Variants in SLC25A13 observed in about 807,000 individuals in gnomAD.
SLC25A13 encodes electrogenic aspartate/glutamate antiporter SLC25A13, mitochondrial.
SLC25A13 carries 70 observed loss-of-function variants against 85.5 expected under a neutral mutation model. The ratio of observed to expected loss-of-function variants is 0.82; its 90% CI spans 0.68 to 1.00. The LOEUF (loss-of-function observed/expected upper bound fraction) is 1.00, where lower values mean the gene tolerates loss of function less well. Ranked by LOEUF, SLC25A13 falls within the 50% of genes least tolerant of loss-of-function variation. The probability of loss-of-function intolerance (pLI) is 0.00; values close to 1 mark genes in which losing one functional copy is unlikely to be tolerated. For synonymous variants in SLC25A13, 259 were observed against 288.7 expected (o/e 0.90, Z 1.04); for missense variants, 765 against 819.8 (o/e 0.93, Z 0.82).
intron 4 of SLC25A13, among the ~76,000 whole-genome samples, chr7:96,225,100 A>G (rs990689778): frequency 3.3e-5 from 5 of 152,242 alleles, no homozygotes; most frequent in African/African-American, 9.6e-5. Flanking sequence ...AATAAAAATG[A>G]TGGTTACCTT....
At chr7:96,150,290 T>A (rs756671270) in intron 13 of SLC25A13, among the ~76,000 whole-genome samples, 2 of 152,296 alleles carry the variant, frequency 1.3e-5, no homozygotes, top group South Asian at 2.1e-4. Context: ...GGACACAAGA[T>A]GCTTTATTCT....
chr7:96,305,233 C>A (rs370567460), intron 1 of SLC25A13, among the ~76,000 whole-genome samples: 63 of 152,212 alleles, frequency 4.1e-4, no homozygotes, highest in African/African-American at 1.4e-3. Flanking sequence ...TATTTAGACA[C>A]TAATTATAAT....
intron 5 of SLC25A13, among the ~76,000 whole-genome samples, chr7:96,200,527 T>A (rs765845875): frequency 1.1e-4 from 16 of 152,156 alleles, no homozygotes; most frequent in Non-Finnish European, 2.2e-4. Flanking sequence ...CTTAATTTTG[T>A]TCTATGTGTA....
At chr7:96,127,104 C>T (rs1394291431) in intron 15 of SLC25A13, among the ~76,000 whole-genome samples, 1 of 152,166 alleles carries the variant, frequency 6.6e-6, no homozygotes, top group Non-Finnish European at 1.5e-5. Context: ...TACAGTTTGA[C>T]TTGTTCCTCT....
intron 5 of SLC25A13, among the ~76,000 whole-genome samples, chr7:96,194,199 C>T (rs1794964420): frequency 6.6e-6 from 1 of 150,462 alleles, no homozygotes; most frequent in Admixed American, 6.7e-5. Flanking sequence ...CTTGAGGAGG[C>T]TGAGGTGGAT....
rs1468762746 is a variant in SLC25A13, at chr7:96,171,533, C to G, written c.1178-9G>C. 6.2e-7 allele frequency: 1 copy of G among 1,608,778 alleles called. No homozygotes were observed. Among genetic ancestry groups the G allele is most frequent in the South Asian group, 1.1e-5 (1 of 90,860 alleles). ...TAACTGTGGCAACAGACCTAAAAAT[C>G]AACAAAAAGTAGAAGTATATTAAAT... On this transcript the variant is annotated splice_polypyrimidine_tract_variant and intron_variant, in intron 11 of 17. Coordinates refer to ENST00000265631, the MANE Select transcript of SLC25A13 (RefSeq NM_014251.3).
At chr7:96,289,105 T>C (rs945819704) in intron 2 of SLC25A13, among the ~76,000 whole-genome samples, 2 of 152,230 alleles carry the variant, frequency 1.3e-5, no homozygotes, top group African/African-American at 4.8e-5. Context: ...TCAGCAATAT[T>C]TGCTGTTCTG....
intron 6 of SLC25A13, 47 bp from the exon 7 acceptor site, chr7:96,191,294 T>G (rs760424590): frequency 6.3e-7 from 1 of 1,599,676 alleles, no homozygotes; most frequent in Non-Finnish European, 8.5e-7. Context: ...ACAAAAGATT[T>G]ATAGATGATT....
chr7:96,140,998 G>A (rs926095435), intron 14 of SLC25A13, among the ~76,000 whole-genome samples: 4 of 147,420 alleles, frequency 2.7e-5, no homozygotes, highest in Non-Finnish European at 4.5e-5. Context: ...TTAATTTTGC[G>A]CATTCCTTTC....
intron 14 of SLC25A13, 98 bp from the exon 15 acceptor site, chr7:96,131,979 A>T (rs1198877530): frequency 1.6e-5 from 24 of 1,516,334 alleles, no homozygotes; most frequent in Non-Finnish European, 2.2e-5. Flanking sequence ...ATATTCCTGG[A>T]GAAGACCAAA....
At chr7:96,125,311 C>T (rs1313516275) in intron 15 of SLC25A13, among the ~76,000 whole-genome samples, 3 of 152,084 alleles carry the variant, frequency 2.0e-5, no homozygotes, top group Non-Finnish European at 4.4e-5. Flanking sequence ...AGGCTGGTCT[C>T]GAACTCCTGA....
chr7:96,308,685 T>C (rs1446957796), intron 1 of SLC25A13, among the ~76,000 whole-genome samples: 1 of 152,156 alleles, frequency 6.6e-6, no homozygotes. Context: ...AGAAGCCATA[T>C]AATCCAGAAG....
At chr7:96,306,891 C>T in intron 1 of SLC25A13, 2 of 1,123,252 alleles carry the variant, frequency 1.8e-6, no homozygotes, top group South Asian at 2.5e-5. Context: ...GGCTTCACTC[C>T]AATCTCTCTT....
At chr7:96,278,448 G>A (rs79206002) in intron 2 of SLC25A13, among the ~76,000 whole-genome samples, 1 of 152,316 alleles carries the variant, frequency 6.6e-6, no homozygotes, top group Non-Finnish European at 1.5e-5. Context: ...TGCAGACTAA[G>A]GCTTTGCTCA....
Position 96,283,388 on chromosome 7 carries a change from C to G in SLC25A13, c.70-6050G>C, listed in dbSNP as rs1798759614. 1.9e-5 allele frequency: 7 copies of G among 364,148 alleles called. No homozygotes were observed. The Admixed American group carries it at 2.0e-4, about 10-fold the overall frequency. 22.6% of individuals were successfully genotyped at this position (364,148 alleles called of 1,614,324 possible). On this transcript the variant is annotated intron_variant, in intron 2 of 17. Coordinates refer to ENST00000265631, the MANE Select transcript of SLC25A13 (RefSeq NM_014251.3). ...AACACAAAGGGAAAGAGGAGAGGCA[C>G]TCAATATATGTTCTGTAGGCCTTTT... is the stretch of plus-strand genomic sequence containing the variant.
At chr7:96,168,098 G>GGAAAAAAA (rs1793836839) in intron 13 of SLC25A13, among the ~76,000 whole-genome samples, 2 of 19,694 alleles carry the variant, frequency 1.0e-4, no homozygotes, top group Non-Finnish European at 2.5e-4. Flanking sequence ...AACTCTGTCT[G>GGAAAAAAA]AAAAAAAAAA....
chr7:96,160,963 A>G (rs916843012), intron 13 of SLC25A13, among the ~76,000 whole-genome samples: 10 of 144,400 alleles, frequency 6.9e-5, no homozygotes, highest in Admixed American at 3.5e-4. Flanking sequence ...AGATAGTGCC[A>G]TGAGGTTAGC....
At chr7:96,166,521 C>CT (rs1233385128) in intron 13 of SLC25A13, among the ~76,000 whole-genome samples, 7 of 151,658 alleles carry the variant, frequency 4.6e-5, no homozygotes, top group African/African-American at 4.8e-5. Flanking sequence ...TATCTGGTGA[C>CT]TTTTTTTTAA....
intron 3 of SLC25A13, among the ~76,000 whole-genome samples, chr7:96,261,277 ATC>A (rs1256958326): frequency 6.6e-6 from 1 of 152,180 alleles, no homozygotes; most frequent in Admixed American, 6.6e-5. Flanking sequence ...TGTTTACATT[ATC>A]TGTTTGCTAT....
Sources: gnomAD v4.1 joint callset for allele counts (sites outside exome capture counted in the v4.1 genomes callset) on GRCh38, gnomAD v4.1.1 for gene constraint, MANE v1.5 for transcripts, NCBI Gene and HGNC (gene_info 2026-07-23, HGNC 2026-07-21) for gene names.